The following DLGAP1 variants were observed in gnomAD, a reference collection of about 807,000 sequenced individuals.
The protein encoded by DLGAP1 is DLG associated protein 1.
DLGAP1 carries 11 observed loss-of-function variants against 90.8 expected under a neutral mutation model. The observed-to-expected ratio is 0.12, with a 90% CI of 0.08 to 0.20. The LOEUF is 0.20. Among genes scored for constraint, DLGAP1 ranks in the 10% least tolerant of loss-of-function variants. DLGAP1 has a pLI of 1.00. For synonymous variants in DLGAP1, 558 were observed against 540.7 expected (o/e 1.03, Z -0.44); for missense variants, 1,050 against 1,333.8 (o/e 0.79, Z 3.31).
In DLGAP1 at chr18:3,621,046, G is replaced by C. The variant is rs1158238475; in HGVS notation, c.1592-38798C>G. 2.6e-5 allele frequency among the ~76,000 whole-genome samples: 4 copies of C among 152,184 alleles called. No homozygotes were observed. The South Asian group carries it at 8.3e-4, about 31-fold the overall frequency. ...GTCAGAAACTCTGGAGGTGGGGCCA[G>C]CACCCTGTGTTTGAACAGGTCCTTC... On this transcript the variant is annotated intron_variant, in intron 7 of 12. Coordinates refer to ENST00000315677, the MANE Select transcript of DLGAP1 (RefSeq NM_004746.4).
At chr18:3,874,787 T>C in intron 4 of DLGAP1, 1 of 1,393,390 alleles carries the variant, frequency 7.2e-7, no homozygotes. Flanking sequence ...ATTCTTGACA[T>C]TTAAAAATAA....
At chr18:3,926,449 C>T (rs944224864) in intron 3 of DLGAP1, among the ~76,000 whole-genome samples, 3 of 148,044 alleles carry the variant, frequency 2.0e-5, no homozygotes, top group Non-Finnish European at 4.4e-5. Context: ...CACACACATG[C>T]ATGTATGTAT....
At chr18:4,219,444 A>G (rs990596938) in intron 1 of DLGAP1, among the ~76,000 whole-genome samples, 1 of 151,894 alleles carries the variant, frequency 6.6e-6, no homozygotes, top group African/African-American at 2.4e-5. Context: ...TCTTCACACT[A>G]CTGTTTCCTT....
intron 3 of DLGAP1, among the ~76,000 whole-genome samples, chr18:3,977,434 G>GTTTTTTTTTTTTTTTTTTTTTT (rs58599574): frequency 6.3e-5 from 6 of 95,330 alleles, no homozygotes; most frequent in African/African-American, 2.5e-4. Flanking sequence ...TTTATTCTGT[G>GTTTTTTTTTTTTTTTTTTTTTT]TTTTTTTTTT....
intron 9 of DLGAP1, among the ~76,000 whole-genome samples, chr18:3,552,175 C>T (rs543800441): frequency 3.3e-5 from 5 of 152,158 alleles, no homozygotes; most frequent in Admixed American, 2.0e-4. Flanking sequence ...TGAGGAAGAC[C>T]TTGACAACTT....
intron 1 of DLGAP1, among the ~76,000 whole-genome samples, chr18:4,184,287 G>A (rs2077255135): frequency 6.6e-6 from 1 of 152,078 alleles, no homozygotes; most frequent in Admixed American, 6.6e-5. Context: ...AAAAGCCATA[G>A]CCATCCTGAC....
At chr18:4,172,311 A>AT (rs2077039000) in intron 1 of DLGAP1, among the ~76,000 whole-genome samples, 1 of 152,132 alleles carries the variant, frequency 6.6e-6, no homozygotes, top group South Asian at 2.1e-4. Context: ...ATTTGAAATA[A>AT]TTTTTCTGTT....
At chr18:3,857,062 AGT>A (rs1402187905) in intron 4 of DLGAP1, among the ~76,000 whole-genome samples, 1 of 152,150 alleles carries the variant, frequency 6.6e-6, no homozygotes, top group Non-Finnish European at 1.5e-5. Flanking sequence ...TTGCTCTGTA[AGT>A]GTGCACTCTA....
chr18:3,772,343 TCTC>T lies in DLGAP1; in HGVS notation c.1173-29834_1173-29832del, dbSNP rs1390200004. ...CTTCCTTTCTCTCCTTCTCTCTCTC[TCTC>T]TCTTTCTTTCTTTCTTTCTTTCTTT... is the stretch of plus-strand genomic sequence containing the variant. On this transcript the variant is annotated intron_variant, in intron 5 of 12. Transcript: ENST00000315677. Among the ~76,000 whole-genome samples, 14 of 35,298 alleles carry T rather than the reference TCTC, an allele frequency of 4.0e-4. 1 individual carries two copies. The highest frequency in any genetic ancestry group is 3.8e-4 in the East Asian group (1 of 2,630). The allele number at this position is 35,298 out of a possible 152,430, so 23.2% of individuals were successfully genotyped here. A position where few individuals can be genotyped will look rare whatever the true frequency, so the allele number is the denominator to read the frequency against.
Position 3,870,783 on chromosome 18 carries a change from C to T in DLGAP1, c.957+8329G>A, listed in dbSNP as rs117419476. ...GATGCATGCTGTCTTCAAAATCTAA[C>T]CAGGGCTCTGAGCAAATTCCCTAAA... On this transcript the variant is annotated intron_variant, in intron 4 of 12. Transcript: ENST00000315677. 6.5e-3 allele frequency among the ~76,000 whole-genome samples: 984 copies of T among 152,248 alleles called. 6 individuals carry two copies. The highest frequency in any genetic ancestry group is 0.012 in the Non-Finnish European group (799 of 68,020).
chr18:3,858,509 T>C (rs1461263658), intron 4 of DLGAP1, among the ~76,000 whole-genome samples: 1 of 148,286 alleles, frequency 6.7e-6, no homozygotes, highest in East Asian at 2.0e-4. Context: ...TATACATATA[T>C]ATACACGTAT....
intron 7 of DLGAP1, among the ~76,000 whole-genome samples, chr18:3,678,148 G>C (rs891116787): frequency 6.6e-6 from 1 of 150,608 alleles, no homozygotes; most frequent in Non-Finnish European, 1.5e-5. Flanking sequence ...TTTTAGTAGA[G>C]ACAGGGTTTC....
intron 1 of DLGAP1, among the ~76,000 whole-genome samples, chr18:4,289,916 G>T (rs566923835): frequency 1.2e-4 from 18 of 152,234 alleles, no homozygotes; most frequent in African/African-American, 3.1e-4. Flanking sequence ...TGTATTAAGA[G>T]AATTTTTCTG....
At chr18:3,588,499 C>A (rs140428157) in intron 7 of DLGAP1, among the ~76,000 whole-genome samples, 1 of 150,384 alleles carries the variant, frequency 6.6e-6, no homozygotes, top group Non-Finnish European at 1.5e-5. Context: ...AGACATTATA[C>A]GGCAGAGTGC....
chr18:3,625,491 C>G (rs942367462), intron 7 of DLGAP1, among the ~76,000 whole-genome samples: 1 of 152,148 alleles, frequency 6.6e-6, no homozygotes, highest in Non-Finnish European at 1.5e-5. Flanking sequence ...AAATTATTTT[C>G]TAGGAGATTA....
At chr18:3,801,479 T>C (rs1258769875) in intron 5 of DLGAP1, among the ~76,000 whole-genome samples, 14 of 152,212 alleles carry the variant, frequency 9.2e-5, no homozygotes, top group South Asian at 4.1e-4. Flanking sequence ...CAGGCTAGTA[T>C]AGTGGTTGAT....
At chr18:4,096,211 T>C (rs571798479) in intron 2 of DLGAP1, among the ~76,000 whole-genome samples, 1 of 152,126 alleles carries the variant, frequency 6.6e-6, no homozygotes, top group Non-Finnish European at 1.5e-5. Context: ...TTTTTTAAGA[T>C]ATGGGGTTTC....
chr18:4,368,219 G>T (rs141822065), intron 1 of DLGAP1, among the ~76,000 whole-genome samples: 1 of 152,052 alleles, frequency 6.6e-6, no homozygotes, highest in South Asian at 2.1e-4. Context: ...TCTAACTGCC[G>T]CAATATTATC....
intron 4 of DLGAP1, among the ~76,000 whole-genome samples, chr18:3,817,254 C>T (rs1031337239): frequency 6.6e-6 from 1 of 152,100 alleles, no homozygotes; most frequent in Admixed American, 6.5e-5. Flanking sequence ...CAAAACATGG[C>T]AAATTTTGTT....
Sources: gnomAD v4.1 joint callset for allele counts (sites outside exome capture counted in the v4.1 genomes callset) on GRCh38, gnomAD v4.1.1 for gene constraint, MANE v1.5 for transcripts, NCBI Gene and HGNC (gene_info 2026-07-23, HGNC 2026-07-21) for gene names.